ZCCHC4: variants seen among roughly 807,000 people sequenced by gnomAD.
ZCCHC4 encodes rRNA N(6)-adenosine-methyltransferase ZCCHC4.
ZCCHC4 carries 54 observed loss-of-function variants against 67.7 expected under a neutral mutation model. That is an observed-to-expected ratio of 0.80 (90% CI 0.64 to 1.00). The LOEUF is 1.00. ZCCHC4 is among the 50% of genes least tolerant of loss of function. ZCCHC4 has a pLI of 0.00. For synonymous variants in ZCCHC4, 198 were observed against 213.5 expected (o/e 0.93, Z 0.63); for missense variants, 609 against 617.0 (o/e 0.99, Z 0.14).
intron 3 of ZCCHC4, among the ~76,000 whole-genome samples, chr4:25,327,781 C>G (rs1560401542): frequency 6.6e-6 from 1 of 152,134 alleles, no homozygotes; most frequent in East Asian, 1.9e-4. Context: ...CATACCCAGC[C>G]TGAGAATCTT....
intron 5 of ZCCHC4, among the ~76,000 whole-genome samples, chr4:25,335,374 G>A (rs1045795441): frequency 2.6e-5 from 4 of 152,142 alleles, no homozygotes; most frequent in African/African-American, 9.7e-5. Context: ...CTTGAACCTA[G>A]GAGGTGGAGG....
At chr4:25,362,554 CAAAT>C (rs1157501707) in intron 10 of ZCCHC4, among the ~76,000 whole-genome samples, 3 of 152,186 alleles carry the variant, frequency 2.0e-5, no homozygotes, top group South Asian at 2.1e-4. Context: ...ATCAGCGTCT[CAAAT>C]AAGGCATTAA....
chr4:25,361,669 G>A, intron 8 of ZCCHC4, 190 bp from the exon 9 acceptor site: 1 of 579,462 alleles, frequency 1.7e-6, no homozygotes, highest in Non-Finnish European at 3.0e-6. Flanking sequence ...ATCCTTGAGT[G>A]TTATTCCAGC....
intron 8 of ZCCHC4, chr4:25,352,197 C>A (rs1720331493): frequency 2.0e-6 from 2 of 985,314 alleles, no homozygotes; most frequent in Non-Finnish European, 2.4e-6. Flanking sequence ...TGTGTTGATT[C>A]CGGGAGGAAG....
chr4:25,361,001 A>G (rs558108726), intron 8 of ZCCHC4, among the ~76,000 whole-genome samples: 26 of 152,334 alleles, frequency 1.7e-4, no homozygotes, highest in African/African-American at 5.5e-4. Context: ...TGGGTGGTCT[A>G]TCAAGGGTTA....
intron 8 of ZCCHC4, chr4:25,361,652 G>C (rs140077007): frequency 1.1e-3 from 582 of 547,152 alleles, no homozygotes; most frequent in Non-Finnish European, 1.4e-3. Flanking sequence ...TGTCGAAACT[G>C]TCTATGATCC....
At chr4:25,322,863 T>A (rs1718656971) in intron 3 of ZCCHC4, among the ~76,000 whole-genome samples, 1 of 152,196 alleles carries the variant, frequency 6.6e-6, no homozygotes, top group African/African-American at 2.4e-5. Flanking sequence ...ACCTGAATTG[T>A]ATCTCAGTTT....
At chr4:25,356,317 A>G (rs1720515503) in intron 8 of ZCCHC4, among the ~76,000 whole-genome samples, 1 of 152,238 alleles carries the variant, frequency 6.6e-6, no homozygotes. Flanking sequence ...GCTTTACAGC[A>G]CTTCCATAGG....
At chr4:25,348,305 G>A (rs1046007943) in intron 6 of ZCCHC4, among the ~76,000 whole-genome samples, 11 of 152,260 alleles carry the variant, frequency 7.2e-5, no homozygotes, top group African/African-American at 2.2e-4. Flanking sequence ...TTTCGCGGTA[G>A]AACAAAATAT....
chr4:25,355,352 G>A (rs1245663563), intron 8 of ZCCHC4, among the ~76,000 whole-genome samples: 1 of 152,206 alleles, frequency 6.6e-6, no homozygotes, highest in East Asian at 1.9e-4. Context: ...TACTAAGCCT[G>A]ATAAATTGCT....
chr4:25,324,962 G>A (rs946123284), intron 3 of ZCCHC4, among the ~76,000 whole-genome samples: 2 of 151,908 alleles, frequency 1.3e-5, no homozygotes, highest in East Asian at 1.9e-4. Flanking sequence ...AAATATTTTC[G>A]GCCGGGCGCG....
In ZCCHC4 at chr4:25,351,663, C is replaced by T. The variant is rs779743271; in HGVS notation, c.985C>T (p.Pro329Ser). Reference protein sequence around the residue: ...FFESRICQFFPSFQMLDYQVD... With the variant: ...FFESRICQFFSSFQMLDYQVD... The stretch of plus-strand genomic sequence containing the variant: ...TGAATCCCGAATTTGTCAGTTTTTT[C>T]CAAGCTTCCAGATGCTGGATTACCA... The change falls in exon 8 of 13, where the codon CCA (proline) becomes TCA (serine). Residue 329 changes from proline (P) to serine (S), a missense_variant. By Grantham distance (74) the Pro-to-Ser change is moderately conservative. Coordinates refer to ENST00000302874, the MANE Select transcript of ZCCHC4 (RefSeq NM_024936.3). 22 of 1,611,786 alleles carry T rather than the reference C, an allele frequency of 1.4e-5. No homozygotes were observed. The highest frequency in any genetic ancestry group is 3.3e-4 in the Middle Eastern group (2 of 6,070).
At chr4:25,333,859 T>C (rs763532346) in intron 4 of ZCCHC4, 49 bp from the exon 5 acceptor site, 2 of 1,270,334 alleles carry the variant, frequency 1.6e-6, no homozygotes, top group East Asian at 4.8e-5. Flanking sequence ...GTTTATTGTC[T>C]ATGACATTTG....
intron 3 of ZCCHC4, among the ~76,000 whole-genome samples, chr4:25,315,631 A>C (rs1211904414): frequency 2.6e-5 from 4 of 151,880 alleles, no homozygotes; most frequent in African/African-American, 7.3e-5. Context: ...CATCACTCCA[A>C]ACAGAAACTG....
rs200960439 is a variant in ZCCHC4, at chr4:25,354,147, T to C, written c.1011+2458T>C. 2.0e-5 allele frequency among the ~76,000 whole-genome samples: 3 copies of C among 148,432 alleles called. No homozygotes were observed. The East Asian group carries it at 5.8e-4, about 29-fold the overall frequency. On this transcript the variant is annotated intron_variant, in intron 8 of 12. Coordinates refer to ENST00000302874, the MANE Select transcript of ZCCHC4 (RefSeq NM_024936.3). ...TTTCACTATGGGCAAGAGTTTGAAA[T>C]GGTGAGAGGACAAAAGAAGACAGAT...
At chr4:25,320,973 T>A (rs1175757449) in intron 3 of ZCCHC4, among the ~76,000 whole-genome samples, 4 of 152,156 alleles carry the variant, frequency 2.6e-5, no homozygotes, top group Non-Finnish European at 5.9e-5. Flanking sequence ...TTTCTTCCCT[T>A]CCTAGTGATT....
At chr4:25,365,939 A>C in intron 12 of ZCCHC4, 1 of 984,136 alleles carries the variant, frequency 1.0e-6, no homozygotes, top group Non-Finnish European at 1.2e-6. Flanking sequence ...AAGAAAACTA[A>C]TGTTACACAG....
intron 3 of ZCCHC4, among the ~76,000 whole-genome samples, chr4:25,330,598 T>C (rs142364361): frequency 1.0e-3 from 155 of 152,300 alleles, no homozygotes; most frequent in Non-Finnish European, 1.7e-3. Context: ...AAGCTCCAAA[T>C]ATTTATTATC....
intron 5 of ZCCHC4, 29 bp from the exon 6 acceptor site, chr4:25,345,519 G>A (rs372823284): frequency 1.2e-5 from 15 of 1,223,160 alleles, no homozygotes; most frequent in Non-Finnish European, 1.4e-5. Context: ...AGCTGTGACT[G>A]GGCAAATAAC....
Sources: gnomAD v4.1 joint callset for allele counts (sites outside exome capture counted in the v4.1 genomes callset) on GRCh38, gnomAD v4.1.1 for gene constraint, MANE v1.5 for transcripts, NCBI Gene and HGNC (gene_info 2026-07-23, HGNC 2026-07-21) for gene names.